The following BTBD9 variants were observed in gnomAD, a reference collection of about 807,000 sequenced individuals.
BTBD9 encodes the protein BTB/POZ domain-containing protein 9.
In BTBD9, 49 loss-of-function variants were observed where a neutral mutation model predicts 64.3. That is an observed-to-expected ratio of 0.76 (90% CI 0.61 to 0.97). BTBD9 has a LOEUF of 0.97. Ranked by LOEUF, BTBD9 falls within the 50% of genes least tolerant of loss-of-function variation. The pLI, the probability that BTBD9 is intolerant of heterozygous loss-of-function variation, is 0.00. For synonymous variants in BTBD9, 260 were observed against 274.7 expected (o/e 0.95, Z 0.53); for missense variants, 598 against 762.1 (o/e 0.78, Z 2.53).
intron 6 of BTBD9, among the ~76,000 whole-genome samples, chr6:38,529,548 A>G (rs527622122): frequency 6.6e-6 from 1 of 152,214 alleles, no homozygotes; most frequent in Non-Finnish European, 1.5e-5. Flanking sequence ...AACACCCACA[A>G]GCATTAAGAC....
chr6:38,200,466 C>A (rs1329678965), intron 9 of BTBD9, among the ~76,000 whole-genome samples: 1 of 151,902 alleles, frequency 6.6e-6, no homozygotes, highest in Non-Finnish European at 1.5e-5. Flanking sequence ...TACAAAGGAT[C>A]AATGAAATGG....
At chr6:38,466,791 T>A (rs1467610064) in intron 6 of BTBD9, among the ~76,000 whole-genome samples, 1 of 152,170 alleles carries the variant, frequency 6.6e-6, no homozygotes, top group Middle Eastern at 3.2e-3. Flanking sequence ...TTGGCCAGGC[T>A]GGTATCGAAG....
chr6:38,588,473 C>T lies in BTBD9; in HGVS notation c.814+4103G>A. 9.4e-6 allele frequency: 8 copies of T among 852,342 alleles called. No homozygotes were observed. In the South Asian group the frequency reaches 1.3e-4, roughly 13 times the overall value. 52.8% of individuals were successfully genotyped at this position (852,342 alleles called of 1,614,324 possible). ...ACCCCTCCTCCAACTGGGCCTAATC[C>T]TTATATGTCCTCCCTTTGGTCAGGG... On this transcript the variant is annotated intron_variant, in intron 4 of 10. Transcript: ENST00000481247.
chr6:38,355,227 G>A (rs1229726856), intron 6 of BTBD9, among the ~76,000 whole-genome samples: 1 of 152,204 alleles, frequency 6.6e-6, no homozygotes, highest in Non-Finnish European at 1.5e-5. Context: ...ACTGCTTATA[G>A]TAGGGGCTGA....
chr6:38,380,082 C>G (rs1238797158), intron 6 of BTBD9, among the ~76,000 whole-genome samples: 1 of 152,044 alleles, frequency 6.6e-6, no homozygotes. Flanking sequence ...TTGTTATATA[C>G]TATATGCTCT....
chr6:38,186,730 G>C (rs938286436), intron 10 of BTBD9, among the ~76,000 whole-genome samples: 8 of 152,196 alleles, frequency 5.3e-5, no homozygotes, highest in Non-Finnish European at 1.5e-5. Flanking sequence ...CCTGAGAGCT[G>C]CCTAAAGCCT....
chr6:38,429,445 G>C (rs1768338816), intron 6 of BTBD9, among the ~76,000 whole-genome samples: 1 of 134,308 alleles, frequency 7.4e-6, no homozygotes, highest in Non-Finnish European at 1.6e-5. Flanking sequence ...ACAAGAGCAA[G>C]ACTACGTCTC....
At chr6:38,300,300 C>T (rs989756355) in intron 7 of BTBD9, among the ~76,000 whole-genome samples, 4 of 152,154 alleles carry the variant, frequency 2.6e-5, no homozygotes, top group African/African-American at 7.2e-5. Flanking sequence ...GTGATGCCTC[C>T]AGCTTTGTTC....
At chr6:38,385,193 C>CT (rs369717611) in intron 6 of BTBD9, among the ~76,000 whole-genome samples, 14 of 140,336 alleles carry the variant, frequency 1.0e-4, no homozygotes, top group South Asian at 2.4e-4. Flanking sequence ...ATCTTACGTA[C>CT]TTTTTTTTTT....
rs190060438 is a variant in BTBD9, at chr6:38,202,312, C to G, written c.1563-9715G>C. On this transcript the variant is annotated intron_variant, in intron 9 of 10. Coordinates refer to ENST00000481247, the MANE Select transcript of BTBD9 (RefSeq NM_001099272.2). Reference sequence around the variant, plus strand: ...ATGTTGGCCAGGATGGTCTCCATCTCTTGACCTAATGAACCACCTCGGCCT... The same window carrying G: ...ATGTTGGCCAGGATGGTCTCCATCTGTTGACCTAATGAACCACCTCGGCCT... 5.9e-5 allele frequency among the ~76,000 whole-genome samples: 9 copies of G among 151,846 alleles called. No homozygotes were observed. The East Asian group carries it at 1.4e-3, about 23-fold the overall frequency.
intron 7 of BTBD9, among the ~76,000 whole-genome samples, chr6:38,318,867 C>T (rs573025344): frequency 2.0e-5 from 3 of 152,358 alleles, no homozygotes; most frequent in South Asian, 4.1e-4. Context: ...GTGAGTTCCC[C>T]CAGGCCCCAT....
rs558119987 is a variant in BTBD9, at chr6:38,226,260, G to A, written c.1562+30149C>T. Among the ~76,000 whole-genome samples, 10 of 152,236 alleles carry A rather than the reference G, an allele frequency of 6.6e-5. No individual in the cohort carries two copies. In the South Asian group the frequency reaches 1.5e-3, roughly 22 times the overall value. On this transcript the variant is annotated intron_variant, in intron 9 of 10. Coordinates refer to ENST00000481247, the MANE Select transcript of BTBD9 (RefSeq NM_001099272.2). The stretch of plus-strand genomic sequence containing the variant: ...GAACTGATAAGATACTGATCCCCGC[G>A]CCTGCACAGTTCAAAGCATGGCAAC...
At chr6:38,182,976 G>T (rs1051346062) in intron 10 of BTBD9, among the ~76,000 whole-genome samples, 7 of 127,314 alleles carry the variant, frequency 5.5e-5, no homozygotes, top group African/African-American at 2.0e-4. Context: ...CCCACAAAAG[G>T]TCTTCTTTTT....
intron 7 of BTBD9, among the ~76,000 whole-genome samples, chr6:38,313,407 C>T (rs578069047): frequency 6.6e-6 from 1 of 152,286 alleles, no homozygotes; most frequent in Non-Finnish European, 1.5e-5. Context: ...AGGACTTCCA[C>T]TACTATGTTG....
At chr6:38,339,153 CT>C (rs748428830) in intron 7 of BTBD9, among the ~76,000 whole-genome samples, 41 of 152,148 alleles carry the variant, frequency 2.7e-4, no homozygotes, top group Non-Finnish European at 4.7e-4. Context: ...TAGGAAAAGA[CT>C]TATACACAAG....
intron 9 of BTBD9, among the ~76,000 whole-genome samples, chr6:38,228,276 G>A (rs1448324031): frequency 2.9e-5 from 4 of 137,634 alleles, no homozygotes; most frequent in Non-Finnish European, 4.6e-5. Context: ...TAGGAGGACT[G>A]TTTGAGGCTA....
At chr6:38,433,126 G>GCCTT (rs1768516455) in intron 6 of BTBD9, among the ~76,000 whole-genome samples, 2 of 151,964 alleles carry the variant, frequency 1.3e-5, no homozygotes. Context: ...GCACAAACAG[G>GCCTT]CCTTCCTCTG....
chr6:38,345,725 C>T (rs1764254083), intron 6 of BTBD9, among the ~76,000 whole-genome samples: 2 of 152,228 alleles, frequency 1.3e-5, no homozygotes, highest in Admixed American at 1.3e-4. Context: ...AGAGATGGCC[C>T]AGCCTGCTCT....
At chr6:38,299,827 A>G (rs1402175226) in intron 7 of BTBD9, among the ~76,000 whole-genome samples, 6 of 152,180 alleles carry the variant, frequency 3.9e-5, no homozygotes, top group African/African-American at 7.2e-5. Context: ...CTCTGATGGT[A>G]GTTTCTTTTG....
Sources: gnomAD v4.1 joint callset for allele counts (sites outside exome capture counted in the v4.1 genomes callset) on GRCh38, gnomAD v4.1.1 for gene constraint, MANE v1.5 for transcripts, NCBI Gene and HGNC (gene_info 2026-07-23, HGNC 2026-07-21) for gene names.